BCAR3: variants seen among roughly 807,000 people sequenced by gnomAD.
BCAR3 encodes the protein BCAR3 adaptor protein, NSP family member, also known as breast cancer anti-estrogen resistance protein 3.
In BCAR3, 37 loss-of-function variants were observed where a neutral mutation model predicts 80.1. The ratio of observed to expected loss-of-function variants is 0.46; its 90% CI spans 0.36 to 0.61. The LOEUF (loss-of-function observed/expected upper bound fraction) is 0.61, where lower values mean the gene tolerates loss of function less well. BCAR3 is among the 20% of genes least tolerant of loss of function. The pLI, the probability that BCAR3 is intolerant of heterozygous loss-of-function variation, is 0.00. For synonymous variants in BCAR3, 389 were observed against 418.9 expected (o/e 0.93, Z 0.87); for missense variants, 978 against 1,068.2 (o/e 0.92, Z 1.18).
chr1:93,820,704 G>C (rs563241459), intron 2 of BCAR3, among the ~76,000 whole-genome samples: 1 of 152,102 alleles, frequency 6.6e-6, no homozygotes, highest in Non-Finnish European at 1.5e-5. Flanking sequence ...TGGAGGTTCC[G>C]TTACATAGGC....
At chr1:93,822,630 T>A (rs935193380) in intron 2 of BCAR3, among the ~76,000 whole-genome samples, 1 of 152,136 alleles carries the variant, frequency 6.6e-6, no homozygotes, top group Admixed American at 6.5e-5. Context: ...TGAGCCACCA[T>A]GCCCAGCCAG....
chr1:93,821,006 C>CA lies in BCAR3; in HGVS notation c.-63+24560dup, dbSNP rs1270724023. Among the ~76,000 whole-genome samples, 51 of 151,600 alleles carry CA rather than the reference C, an allele frequency of 3.4e-4. 3 individuals are homozygous for CA. The highest frequency in any genetic ancestry group is 1.2e-3 in the Admixed American group (19 of 15,228). On this transcript the variant is annotated intron_variant, in intron 2 of 13. Coordinates refer to the BCAR3 transcript ENST00000370244. ...CTAGTTACATTATAAAAAAACAAAA[C>CA]AAAAAAAACTCCTGTCACCCCTATC...
intron 2 of BCAR3, among the ~76,000 whole-genome samples, chr1:93,747,295 G>A (rs1174085126): frequency 6.8e-6 from 1 of 147,878 alleles, no homozygotes; most frequent in Admixed American, 6.6e-5. Context: ...CTGTTCAGGT[G>A]AGGACTGATG....
rs1654319858 is a variant in BCAR3 at position 93,824,619 on chromosome 1, ATGCCTCCTCT to A, written c.-63+20938_-63+20947del. Reference sequence around the variant, plus strand: ...CCACCACCTCTCTCCCTTTGTTCTCATGCCTCCTCTTGGCAAAGACCCTCCTCCTTTCTTA... The same window carrying A: ...CCACCACCTCTCTCCCTTTGTTCTCATGGCAAAGACCCTCCTCCTTTCTTA... On this transcript the variant is annotated intron_variant, in intron 2 of 13. Transcript: ENST00000370244. Among the ~76,000 whole-genome samples, 2 of 130,310 alleles carry A rather than the reference ATGCCTCCTCT, an allele frequency of 1.5e-5. 1 individual carries two copies. The highest frequency in any genetic ancestry group is 3.4e-5 in the Non-Finnish European group (2 of 58,006). The allele number at this position is 130,310 out of a possible 152,430, so 85.5% of individuals were successfully genotyped here.
intron 2 of BCAR3, among the ~76,000 whole-genome samples, chr1:93,661,793 T>C (rs544094095): frequency 2.0e-5 from 3 of 152,336 alleles, no homozygotes; most frequent in South Asian, 4.1e-4. Flanking sequence ...CCAGCCCCAA[T>C]GTAGCTTTAA....
chr1:93,832,755 G>A (rs1388893389), intron 2 of BCAR3, among the ~76,000 whole-genome samples: 7 of 152,166 alleles, frequency 4.6e-5, no homozygotes, highest in Middle Eastern at 3.4e-3. Flanking sequence ...GTGCCAACTC[G>A]GAAAACATTC....
intron 3 of BCAR3, among the ~76,000 whole-genome samples, chr1:93,696,361 G>A (rs1428645081): frequency 6.6e-6 from 1 of 152,066 alleles, no homozygotes; most frequent in African/African-American, 2.4e-5. Flanking sequence ...TGGAACCCTG[G>A]GAACCACCCT....
intron 3 of BCAR3, among the ~76,000 whole-genome samples, chr1:93,699,507 G>A (rs1250091521): frequency 6.6e-6 from 1 of 152,132 alleles, no homozygotes; most frequent in Admixed American, 6.5e-5. Flanking sequence ...CTTGTTGCGG[G>A]GGCGGGGGTG....
intron 2 of BCAR3, among the ~76,000 whole-genome samples, chr1:93,806,171 C>A (rs1270953569): frequency 6.6e-6 from 1 of 152,088 alleles, no homozygotes; most frequent in East Asian, 1.9e-4. Context: ...AAAACTTTGC[C>A]TTCTACCGAC....
intron 9 of BCAR3, among the ~76,000 whole-genome samples, chr1:93,568,306 C>T (rs1340834615): frequency 6.6e-6 from 1 of 152,102 alleles, no homozygotes; most frequent in Non-Finnish European, 1.5e-5. Flanking sequence ...AAAATAATCC[C>T]CCATCCGCCC....
intron 3 of BCAR3, among the ~76,000 whole-genome samples, chr1:93,694,110 A>G (rs1470077452): frequency 1.3e-5 from 2 of 152,210 alleles, no homozygotes; most frequent in Non-Finnish European, 2.9e-5. Context: ...CAGGATTCTA[A>G]AGCCCACGTC....
chr1:93,619,094 A>G (rs992663269), intron 3 of BCAR3, among the ~76,000 whole-genome samples: 1 of 144,098 alleles, frequency 6.9e-6, no homozygotes, highest in African/African-American at 2.7e-5. Context: ...ACATGCCACC[A>G]CGCCAATTTT....
chr1:93,699,397 A>C (rs895301160), intron 3 of BCAR3, among the ~76,000 whole-genome samples: 1 of 152,144 alleles, frequency 6.6e-6, no homozygotes, highest in African/African-American at 2.4e-5. Context: ...CCAAGATGCT[A>C]TCAGGGAGGC....
At chr1:93,631,191 C>T (rs1164929940) in intron 3 of BCAR3, among the ~76,000 whole-genome samples, 1 of 152,134 alleles carries the variant, frequency 6.6e-6, no homozygotes, top group Non-Finnish European at 1.5e-5. Flanking sequence ...TCTATCTGTC[C>T]TCACATGGCC....
chr1:93,672,187 A>G (rs896405088), intron 2 of BCAR3, among the ~76,000 whole-genome samples: 2 of 152,184 alleles, frequency 1.3e-5, no homozygotes, highest in African/African-American at 4.8e-5. Context: ...AAGATCTTTT[A>G]CAGAAATATG....
upstream of BCAR3, among the ~76,000 whole-genome samples, chr1:93,685,935 A>T (rs1648959446): frequency 6.6e-6 from 1 of 151,756 alleles, no homozygotes; most frequent in South Asian, 2.1e-4. Context: ...TGGAATTTGT[A>T]TTCCTGTTTT....
At chr1:93,654,134 G>GC (rs922888892) in intron 2 of BCAR3, among the ~76,000 whole-genome samples, 5 of 152,078 alleles carry the variant, frequency 3.3e-5, no homozygotes, top group Admixed American at 1.3e-4. Flanking sequence ...TCCTAAGACA[G>GC]CCCCCCAAAA....
intron 2 of BCAR3, among the ~76,000 whole-genome samples, chr1:93,767,687 G>A (rs2818162): frequency 0.29 from 43,604 of 151,930 alleles, 7,218 homozygotes; most frequent in East Asian, 0.53. Flanking sequence ...TCTGATTTTC[G>A]GTATGAAAAT....
chr1:93,790,118 G>C (rs1210711883), intron 2 of BCAR3, among the ~76,000 whole-genome samples: 1 of 152,038 alleles, frequency 6.6e-6, no homozygotes, highest in African/African-American at 2.4e-5. Context: ...CTGGAATTCT[G>C]TTCTTTCTAT....
Sources: allele counts gnomAD v4.1 joint callset (sites outside exome capture counted in the v4.1 genomes callset), GRCh38; gene constraint gnomAD v4.1.1; transcripts MANE v1.5; gene names NCBI Gene and HGNC (gene_info 2026-07-23, HGNC 2026-07-21).